The following NAALADL1 variants were observed in gnomAD, a reference collection of about 807,000 sequenced individuals.
NAALADL1 encodes aminopeptidase NAALADL1.
In NAALADL1, 77 loss-of-function variants were observed where a neutral mutation model predicts 82.8. The observed-to-expected ratio is 0.93, with a 90% CI of 0.77 to 1.12. NAALADL1 has a LOEUF of 1.12. Ranked by LOEUF, NAALADL1 falls within the 50% of genes most tolerant of loss-of-function variation. The pLI, the probability that NAALADL1 is intolerant of heterozygous loss-of-function variation, is 0.00. For missense variants in NAALADL1, 956 were observed against 964.0 expected (o/e 0.99, Z 0.11); for synonymous variants, 358 against 399.2 (o/e 0.90, Z 1.23).
At chr11:65,047,414 AAGAG>A (rs1157109465) in intron 13 of NAALADL1, 57 bp downstream of exon 13, 1 of 1,428,498 alleles carries the variant, frequency 7.0e-7, no homozygotes, top group Non-Finnish European at 9.6e-7. Context: ...AACAGCCACA[AAGAG>A]AGGAGGGGGC....
At chr11:65,047,940 G>T in intron 11 of NAALADL1, 41 bp downstream of exon 11, 1 of 506,784 alleles carries the variant, frequency 2.0e-6, no homozygotes, top group Non-Finnish European at 2.7e-6. Flanking sequence ...CACGCGGCCC[G>T]CCCCAGCTAG....
intron 8 of NAALADL1, among the ~76,000 whole-genome samples, chr11:65,049,947 C>T (rs1378628473): frequency 2.6e-5 from 4 of 151,582 alleles, no homozygotes; most frequent in African/African-American, 9.7e-5. Flanking sequence ...GCGCAATCAG[C>T]TCACTGCAAC....
At position 65,053,442 on chromosome 11, in the gene NAALADL1, C is replaced by T; in HGVS notation, c.1078+49G>A. On this transcript the variant is annotated intron_variant, in intron 7 of 17. Coordinates refer to ENST00000358658, the MANE Select transcript of NAALADL1 (RefSeq NM_005468.3). The surrounding 1 kb of genome is among the most constrained non-coding windows in gnomAD (Gnocchi z 4.3). ...CAGGGCTGGATGAGGACAGCGGCAT[C>T]CAGAGCAGAGCAGGGGCCTGGGGTG... The T allele has an allele frequency of 6.2e-7, 1 of 1,612,818 alleles. No homozygotes were observed. The highest frequency in any genetic ancestry group is 1.7e-5 in the Admixed American group (1 of 59,990).
intron 8 of NAALADL1, among the ~76,000 whole-genome samples, chr11:65,048,963 T>G (rs1199952712): frequency 6.6e-6 from 1 of 152,164 alleles, no homozygotes; most frequent in Non-Finnish European, 1.5e-5. Flanking sequence ...CCTCCCGGGT[T>G]CAGGCAGGAG....
At chr11:65,047,910 CG>C in intron 11 of NAALADL1, 70 bp downstream of exon 11, 2 of 1,358,304 alleles carry the variant, frequency 1.5e-6, no homozygotes, top group Non-Finnish European at 2.0e-6. Flanking sequence ...CCCGCCCACC[CG>C]TAGCGGCCCC....
intron 12 of NAALADL1, 21 bp from the exon 13 acceptor site, chr11:65,047,586 G>A (rs1946765396): frequency 1.3e-6 from 2 of 1,574,250 alleles, no homozygotes; most frequent in African/African-American, 1.3e-5. Flanking sequence ...GAAGGGGGCC[G>A]GGATAAAGAG....
At position 65,053,396 on chromosome 11, in the gene NAALADL1, T is replaced by C. The variant is rs1946944502; in HGVS notation, c.1079-59A>G. 1.2e-6 allele frequency: 2 copies of C among 1,609,526 alleles called. No individual in the cohort carries two copies. Among genetic ancestry groups the C allele is most frequent in the African/African-American group, 1.4e-5 (1 of 73,678 alleles). On this transcript the variant is annotated intron_variant, in intron 7 of 17. Transcript: ENST00000358658. This position sits in a 1 kb window ranked among gnomAD's most constrained non-coding sequence, Gnocchi z 4.3. Reference sequence around the variant, plus strand: ...AGAGGGAGAGGTGGGCAGGGGGAGCTGGGCTGGGTGGTGGCAAGGGCAGGG... The same window carrying C: ...AGAGGGAGAGGTGGGCAGGGGGAGCCGGGCTGGGTGGTGGCAAGGGCAGGG...
rs765454893 is a variant in NAALADL1, at chr11:65,045,365, G to C, written c.2129C>G (p.Ser710Cys). 1 of 1,611,812 alleles carries C rather than the reference G, an allele frequency of 6.2e-7. No individual in the cohort carries two copies. The highest frequency in any genetic ancestry group is 2.2e-5 in the East Asian group (1 of 44,834). Residue 710 changes from serine to cysteine, a missense_variant, in exon 18 of 18, where the codon TCT (serine) becomes TGT (cysteine). Ser to Cys is a moderately radical substitution (Grantham distance 112). Coordinates refer to ENST00000358658, the MANE Select transcript of NAALADL1 (RefSeq NM_005468.3). Reference sequence around the variant, plus strand: ...TCTCTGGACCTCAGCCCAAGCTTCAGATCCAGAAGCTGTGTCCCTGGCCCT... The same window carrying C: ...TCTCTGGACCTCAGCCCAAGCTTCACATCCAGAAGCTGTGTCCCTGGCCCT... The part of the protein sequence containing the change: ...CSRARDTASG[S>C]EAWAEVQRQL...
chr11:65,046,153 G>C, intron 15 of NAALADL1, 36 bp downstream of exon 15: 1 of 1,613,892 alleles, frequency 6.2e-7, no homozygotes, highest in African/African-American at 1.3e-5. Flanking sequence ...TGGGGGTGCA[G>C]GGCTCCCCAT....
Position 65,054,555 on chromosome 11 carries a change from C to A in NAALADL1, c.787G>T (p.Ala263Ser). ...TCCACGCGGAAGGAAGAGGGGACGG[C>A]TGGAAGGTAGGGAGTCAGAGGGTCC... is the stretch of plus-strand genomic sequence containing the variant. ...FGDPLTPYLP[A>S]VPSSFRVDLA... The change falls in exon 5 of 18, where the codon GCC becomes TCC. Residue 263 changes from alanine to serine, a missense_variant. Transcript: ENST00000358658. This position sits in a 1 kb window ranked among gnomAD's most constrained non-coding sequence, Gnocchi z 4.3. The A allele has an allele frequency of 6.2e-7, 1 of 1,613,792 alleles. No individual in the cohort carries two copies. The highest frequency in any genetic ancestry group is 8.5e-7 in the Non-Finnish European group (1 of 1,179,864).
intron 4 of NAALADL1, among the ~76,000 whole-genome samples, chr11:65,056,109 T>C (rs952660937): frequency 1.3e-5 from 2 of 152,068 alleles, no homozygotes; most frequent in East Asian, 1.9e-4. Context: ...GGTCTCGAAC[T>C]CCTGACCTCA....
intron 8 of NAALADL1, 62 bp from the exon 9 acceptor site, chr11:65,048,447 G>C: frequency 6.3e-7 from 1 of 1,575,788 alleles, no homozygotes. Flanking sequence ...TGCCTTAGGA[G>C]AAAGGCTGCT....
At chr11:65,055,047 A>C (rs1280492664) in intron 4 of NAALADL1, among the ~76,000 whole-genome samples, 1 of 152,228 alleles carries the variant, frequency 6.6e-6, no homozygotes, top group Non-Finnish European at 1.5e-5. Context: ...CAACGGCCAA[A>C]AGGAGGAAAT....
rs768317489 is a variant in NAALADL1 at position 65,054,439 on chromosome 11, C to G, written c.887+16G>C. 1.2e-6 allele frequency: 2 copies of G among 1,613,532 alleles called. No homozygotes were observed. Among genetic ancestry groups the G allele is most frequent in the African/African-American group, 2.7e-5 (2 of 74,864 alleles). Reference sequence around the variant, plus strand: ...GCCACTGGGGCTGGGCAGGACACCCCAGGGCACAAACTCACCAGAGCAGGT... The same window carrying G: ...GCCACTGGGGCTGGGCAGGACACCCGAGGGCACAAACTCACCAGAGCAGGT... On this transcript the variant is annotated intron_variant, in intron 5 of 17. Transcript: ENST00000358658. This position sits in a 1 kb window ranked among gnomAD's most constrained non-coding sequence, Gnocchi z 4.3.
rs150755932 is a variant in NAALADL1 at position 65,057,467 on chromosome 11, G to A, written c.507C>T (p.Gly169=). The A allele has an allele frequency of 2.5e-5, 40 of 1,613,922 alleles. No individual in the cohort carries two copies. Among genetic ancestry groups the A allele is most frequent in the African/African-American group, 4.0e-5 (3 of 74,932 alleles). The change falls in exon 4 of 18, where the codon GGC becomes GGT. Residue 169 remains glycine, a synonymous_variant. Transcript: ENST00000358658. ...PQGLLVYANR[G]AEEDFKELQT... ...GTAGCTCCTTAAAGTCTTCTTCCGC[G>A]CCCCGGTTGGCATAGACGAGGAGGC...
chr11:65,045,106 A>G lies in NAALADL1; in HGVS notation c.*165T>C, dbSNP rs1172768610. On this transcript the variant is annotated 3_prime_UTR_variant, in exon 18 of 18. Coordinates refer to ENST00000358658, the MANE Select transcript of NAALADL1 (RefSeq NM_005468.3). ...AAGCACCAGGATGAGGGTGAGTTGC[A>G]TTAGGGCTTGCCACTCCCCTCAGGG... is the stretch of plus-strand genomic sequence containing the variant. 2.6e-6 allele frequency: 2 copies of G among 769,512 alleles called. No homozygotes were observed. The highest frequency in any genetic ancestry group is 3.5e-5 in the African/African-American group (2 of 56,952). 47.7% of individuals were successfully genotyped at this position (769,512 alleles called of 1,614,324 possible). A position where few individuals can be genotyped will look rare whatever the true frequency, so the allele number is the denominator to read the frequency against.
upstream of NAALADL1, among the ~76,000 whole-genome samples, chr11:65,059,945 T>C (rs552747446): frequency 5.3e-5 from 8 of 152,348 alleles, no homozygotes; most frequent in African/African-American, 1.9e-4. Flanking sequence ...ATACACATAC[T>C]GAGCCTCTTC....
Position 65,058,446 on chromosome 11 carries a change from A to G in NAALADL1, c.76T>C (p.Phe26Leu), listed in dbSNP as rs777510128. Residue 26 changes from phenylalanine to leucine, a missense_variant, in exon 1 of 18, where the codon TTT becomes CTT. Phe to Leu is a conservative substitution (Grantham distance 22). Transcript: ENST00000358658. ...GAGTTGGCTTTTTTGGGGATGGCAA[A>G]GTGGCCGAGGATGATCCCCAGCCCC... ...LLGLGIILGH[F>L]AIPKKANSLA... The G allele has an allele frequency of 6.2e-7, 1 of 1,613,960 alleles. No individual in the cohort carries two copies. Among genetic ancestry groups the G allele is most frequent in the Non-Finnish European group, 8.5e-7 (1 of 1,179,944 alleles).
chr11:65,046,405 C>T, intron 14 of NAALADL1, 40 bp downstream of exon 14: 1 of 1,614,216 alleles, frequency 6.2e-7, no homozygotes, highest in Non-Finnish European at 8.5e-7. Context: ...TTCAGCCTCT[C>T]CTGTCCTGGT....
Sources: allele counts gnomAD v4.1 joint callset (sites outside exome capture counted in the v4.1 genomes callset), GRCh38; gene constraint gnomAD v4.1.1; non-coding constraint Gnocchi (gnomAD v3.1); transcripts MANE v1.5; gene names NCBI Gene and HGNC (gene_info 2026-07-23, HGNC 2026-07-21).